Variants in SNX10 observed in about 807,000 individuals in gnomAD.
SNX10 encodes the protein sorting nexin-10.
In SNX10, 25 loss-of-function variants were observed where a neutral mutation model predicts 28.5. The ratio of observed to expected loss-of-function variants is 0.88; its 90% CI spans 0.64 to 1.22. SNX10 has a LOEUF of 1.22. SNX10 is among the 50% of genes most tolerant of loss of function. The probability of loss-of-function intolerance (pLI) is 0.00; values close to 1 mark genes in which losing one functional copy is unlikely to be tolerated. For missense variants in SNX10, 223 were observed against 242.6 expected (o/e 0.92, Z 0.54); for synonymous variants, 62 against 81.4 (o/e 0.76, Z 1.28).
chr7:26,314,619 C>T (rs988127585), intron 1 of SNX10, among the ~76,000 whole-genome samples: 1 of 152,086 alleles, frequency 6.6e-6, no homozygotes, highest in East Asian at 1.9e-4. Context: ...ATGCAGTTCC[C>T]TTTTTTTCTA....
chr7:26,302,881 G>C (rs906055906), intron 1 of SNX10, among the ~76,000 whole-genome samples: 3 of 152,144 alleles, frequency 2.0e-5, no homozygotes, highest in Admixed American at 6.5e-5. Flanking sequence ...GGAGGGCGAC[G>C]GAGGTTGCAG....
chr7:26,298,968 A>G (rs560384684), intron 1 of SNX10, among the ~76,000 whole-genome samples: 23 of 152,342 alleles, frequency 1.5e-4, no homozygotes, highest in African/African-American at 4.6e-4. Context: ...CCCTGTTTCC[A>G]AATACCAACA....
At chr7:26,324,567 C>A (rs1216823897) in intron 1 of SNX10, among the ~76,000 whole-genome samples, 1 of 152,058 alleles carries the variant, frequency 6.6e-6, no homozygotes, top group Non-Finnish European at 1.5e-5. Context: ...CACTATGTTG[C>A]CCAGGCTGGT....
intron 5 of SNX10, among the ~76,000 whole-genome samples, chr7:26,365,771 G>C (rs548758470): frequency 6.6e-6 from 1 of 152,256 alleles, no homozygotes; most frequent in South Asian, 2.1e-4. Context: ...CAGAATGCTA[G>C]AGGCCATATA....
At chr7:26,338,095 A>C (rs1047561865) in intron 1 of SNX10, among the ~76,000 whole-genome samples, 4 of 146,074 alleles carry the variant, frequency 2.7e-5, no homozygotes, top group African/African-American at 7.6e-5. Flanking sequence ...AGAAACGTCT[A>C]TCAATTCCTT....
At chr7:26,348,846 A>G (rs1190970992) in intron 2 of SNX10, among the ~76,000 whole-genome samples, 1 of 152,044 alleles carries the variant, frequency 6.6e-6, no homozygotes, top group Admixed American at 6.6e-5. Context: ...ACTTTTACAG[A>G]TGTTTTTTTC....
At chr7:26,363,104 A>G (rs552113378) in intron 3 of SNX10, among the ~76,000 whole-genome samples, 140 of 152,266 alleles carry the variant, frequency 9.2e-4, no homozygotes, top group Non-Finnish European at 1.6e-3. Context: ...ATGGTCTGCA[A>G]ACCTAGTCCC....
chr7:26,357,327 TAAAA>T (rs372771552), intron 2 of SNX10, among the ~76,000 whole-genome samples: 2 of 109,404 alleles, frequency 1.8e-5, no homozygotes, highest in African/African-American at 7.1e-5. Flanking sequence ...AAGAGAAGAT[TAAAA>T]AAAAAAAAAA....
chr7:26,294,371 C>CT (rs1342376204), intron 1 of SNX10, among the ~76,000 whole-genome samples: 1 of 152,196 alleles, frequency 6.6e-6, no homozygotes, highest in Non-Finnish European at 1.5e-5. Flanking sequence ...TGGCGGGGCA[C>CT]TTAACACTCT....
intron 2 of SNX10, among the ~76,000 whole-genome samples, chr7:26,349,006 A>G (rs989085567): frequency 1.3e-5 from 2 of 152,256 alleles, no homozygotes; most frequent in African/African-American, 2.4e-5. Flanking sequence ...GCTCCTCAAC[A>G]GCACCCTGTA....
At position 26,373,395 on chromosome 7, in the gene SNX10, G is replaced by A. The variant is rs1360725393; in HGVS notation, c.*823G>A. 1 of 151,930 alleles carries A rather than the reference G, an allele frequency of 6.6e-6. No homozygotes were observed. Among genetic ancestry groups the A allele is most frequent in the Non-Finnish European group, 1.5e-5 (1 of 67,872 alleles). 9.4% of individuals were successfully genotyped at this position (151,930 alleles called of 1,614,324 possible). A position where few individuals can be genotyped will look rare whatever the true frequency, so the allele number is the denominator to read the frequency against. On this transcript the variant is annotated 3_prime_UTR_variant, in exon 7 of 7. Coordinates refer to ENST00000338523, the MANE Select transcript of SNX10 (RefSeq NM_013322.3). The surrounding 1 kb of genome is among the most constrained non-coding windows in gnomAD (Gnocchi z 4.2). ...ATTTCTTATCACTAGATAACTTTCA[G>A]TATCAGTGGTGGTTACTTATTACTT...
At chr7:26,316,191 A>C (rs1024405669) in intron 1 of SNX10, among the ~76,000 whole-genome samples, 2 of 152,008 alleles carry the variant, frequency 1.3e-5, no homozygotes, top group African/African-American at 2.4e-5. Context: ...CAAAAAAAAA[A>C]AAAAAACAAA....
chr7:26,355,174 G>C (rs1358356294), intron 2 of SNX10, among the ~76,000 whole-genome samples: 1 of 149,908 alleles, frequency 6.7e-6, no homozygotes, highest in Non-Finnish European at 1.5e-5. Context: ...TGGGTTTTCT[G>C]TTCTCTTTCA....
At chr7:26,330,148 G>A (rs1231314214) in intron 1 of SNX10, among the ~76,000 whole-genome samples, 1 of 152,104 alleles carries the variant, frequency 6.6e-6, no homozygotes, top group Non-Finnish European at 1.5e-5. Context: ...AATGAAGGAG[G>A]TAGGCTAAGG....
At chr7:26,297,564 A>G (rs1786157876) in intron 1 of SNX10, among the ~76,000 whole-genome samples, 1 of 152,142 alleles carries the variant, frequency 6.6e-6, no homozygotes, top group East Asian at 1.9e-4. Context: ...TTCACAGCTC[A>G]GGCACCCCCA....
At chr7:26,296,550 A>G (rs1407979326) in intron 1 of SNX10, among the ~76,000 whole-genome samples, 1 of 152,150 alleles carries the variant, frequency 6.6e-6, no homozygotes, top group Non-Finnish European at 1.5e-5. Flanking sequence ...AAAATAAGAA[A>G]AGCCTAAGAG....
In SNX10 at chr7:26,358,357, T is replaced by A. The variant is rs1788907709; in HGVS notation, c.25-2618T>A. Reference sequence around the variant, plus strand: ...TTATGGATATTTGGTTTAAAAATGGTTTTTAAATCCCTCTTATAATTTAGA... The same window carrying A: ...TTATGGATATTTGGTTTAAAAATGGATTTTAAATCCCTCTTATAATTTAGA... On this transcript the variant is annotated intron_variant, in intron 2 of 6. Transcript: ENST00000338523. 3.3e-5 allele frequency among the ~76,000 whole-genome samples: 5 copies of A among 152,266 alleles called. No homozygotes were observed. In the South Asian group the frequency reaches 1.0e-3, roughly 32 times the overall value.
In SNX10 at chr7:26,365,085, A is replaced by G. The variant is rs773087098; in HGVS notation, c.251A>G (p.Asn84Ser). 6.2e-6 allele frequency: 10 copies of G among 1,613,108 alleles called. No individual in the cohort carries two copies. Among genetic ancestry groups the G allele is most frequent in the Middle Eastern group, 1.6e-4 (1 of 6,084 alleles). The change falls in exon 5 of 7, where the codon AAC (asparagine) becomes AGC (serine). Residue 84 changes from asparagine to serine, a missense_variant. Transcript: ENST00000338523. The part of the protein sequence containing the change: ...PELPSKNLFF[N>S]MNNRQHVDQR... The stretch of plus-strand genomic sequence containing the variant: ...CTTCCATCTAAAAACCTGTTTTTCA[A>G]CATGAACAATCGCCAGCACGTGGAT...
intron 3 of SNX10, among the ~76,000 whole-genome samples, chr7:26,362,028 A>T (rs1789093952): frequency 6.6e-6 from 1 of 152,230 alleles, no homozygotes; most frequent in African/African-American, 2.4e-5. Flanking sequence ...TAAATAGCTA[A>T]CTTGGTATAT....
Sources: allele counts gnomAD v4.1 joint callset (sites outside exome capture counted in the v4.1 genomes callset), GRCh38; gene constraint gnomAD v4.1.1; non-coding constraint Gnocchi (gnomAD v3.1); transcripts MANE v1.5; gene names NCBI Gene and HGNC (gene_info 2026-07-23, HGNC 2026-07-21).